CFAP44: variants seen among roughly 807,000 people sequenced by gnomAD.
CFAP44 encodes cilia and flagella associated protein 44, also known as cilia- and flagella-associated protein 44.
CFAP44 carries 134 observed loss-of-function variants against 216.2 expected under a neutral mutation model. That is an observed-to-expected ratio of 0.62 (90% CI 0.54 to 0.72). CFAP44 has a LOEUF of 0.72. Ranked by LOEUF, CFAP44 falls within the 30% of genes least tolerant of loss-of-function variation. The probability of loss-of-function intolerance (pLI) is 0.00; values close to 1 mark genes in which losing one functional copy is unlikely to be tolerated. For missense variants in CFAP44, 2,035 were observed against 2,182.1 expected (o/e 0.93, Z 1.34); for synonymous variants, 700 against 727.6 (o/e 0.96, Z 0.61).
At chr3:113,298,855 T>C (rs1421994320) in intron 32 of CFAP44, among the ~76,000 whole-genome samples, 1 of 152,186 alleles carries the variant, frequency 6.6e-6, no homozygotes, top group Non-Finnish European at 1.5e-5. Flanking sequence ...TGGGAGTTAC[T>C]GTTTAGTGGA....
chr3:113,307,261 T>C (rs535123068), intron 29 of CFAP44, among the ~76,000 whole-genome samples: 5 of 152,352 alleles, frequency 3.3e-5, no homozygotes, highest in East Asian at 3.9e-4. Context: ...AAAATATATA[T>C]GTAAATTACA....
At chr3:113,323,770 G>C (rs1248020260) in intron 28 of CFAP44, among the ~76,000 whole-genome samples, 4 of 152,158 alleles carry the variant, frequency 2.6e-5, no homozygotes, top group South Asian at 2.1e-4. Context: ...TGGGCTGGGT[G>C]CAGTGGCTCA....
rs1933967079 is a variant in CFAP44, at chr3:113,395,577, TCTACGGGC to T, written c.1890+165_1890+172del. On this transcript the variant is annotated intron_variant, in intron 15 of 34. Transcript: ENST00000393845. The stretch of plus-strand genomic sequence containing the variant: ...AGAGAGCAAGGCTCCTGAGTGATGC[TCTACGGGC>T]CAACCCCAGCAGCAGCCACCTGAGC... 3.3e-5 allele frequency among the ~76,000 whole-genome samples: 5 copies of T among 152,178 alleles called. No homozygotes were observed. The South Asian group carries it at 1.0e-3, about 32-fold the overall frequency.
intron 22 of CFAP44, among the ~76,000 whole-genome samples, chr3:113,345,920 T>C (rs1950376926): frequency 6.6e-6 from 1 of 152,256 alleles, no homozygotes; most frequent in African/African-American, 2.4e-5. Flanking sequence ...TTTTCTTTCA[T>C]ACATACTATC....
intron 18 of CFAP44, among the ~76,000 whole-genome samples, chr3:113,372,546 A>C (rs1933202892): frequency 6.6e-6 from 1 of 152,190 alleles, no homozygotes; most frequent in Non-Finnish European, 1.5e-5. Context: ...ACATGGACAC[A>C]GGGTAGGGAA....
intron 2 of CFAP44, among the ~76,000 whole-genome samples, chr3:113,427,996 T>C (rs1285530161): frequency 6.6e-6 from 1 of 152,140 alleles, no homozygotes; most frequent in African/African-American, 2.4e-5. Flanking sequence ...GGCTAAAAGA[T>C]TAGGAACAAA....
chr3:113,368,971 C>T lies in CFAP44; in HGVS notation c.2445-2662G>A, dbSNP rs769820919. Reference sequence around the variant, plus strand: ...TCTGATAAAACAGACTTTAACCCAACAAAGATCAAAAGAGACAAAGGCCAT... The same window carrying T: ...TCTGATAAAACAGACTTTAACCCAATAAAGATCAAAAGAGACAAAGGCCAT... On this transcript the variant is annotated intron_variant, in intron 18 of 34. Transcript: ENST00000393845. 5.2e-4 allele frequency among the ~76,000 whole-genome samples: 79 copies of T among 152,166 alleles called. 1 individual carries two copies. Among genetic ancestry groups the T allele is most frequent in the Non-Finnish European group, 9.1e-4 (62 of 68,012 alleles).
rs753147586 is a variant in CFAP44, at chr3:113,435,272, C to T, written c.-5-1603G>A. ...AAAGGAAAGGGGTTTAATTGACTTA[C>T]AGTTTGGCATGGCTAGGGAGGCCTC... On this transcript the variant is annotated intron_variant, in intron 1 of 34. Coordinates refer to ENST00000393845, the MANE Select transcript of CFAP44 (RefSeq NM_001164496.2). Among the ~76,000 whole-genome samples, 91 of 152,294 alleles carry T rather than the reference C, an allele frequency of 6.0e-4. 1 individual carries two copies. The highest frequency in any genetic ancestry group is 1.1e-3 in the Non-Finnish European group (78 of 68,040).
chr3:113,357,428 T>C (rs911364255), intron 22 of CFAP44, among the ~76,000 whole-genome samples: 2 of 152,084 alleles, frequency 1.3e-5, no homozygotes, highest in African/African-American at 2.4e-5. Flanking sequence ...GAAACCTATA[T>C]GAAGAGACAC....
chr3:113,301,557 T>C (rs1949935702), intron 32 of CFAP44, among the ~76,000 whole-genome samples: 1 of 152,198 alleles, frequency 6.6e-6, no homozygotes, highest in Non-Finnish European at 1.5e-5. Context: ...ATACATCTTA[T>C]ACTATATACC....
chr3:113,304,942 T>A (rs1448084450), intron 31 of CFAP44, 94 bp downstream of exon 31: 1 of 1,090,900 alleles, frequency 9.2e-7, no homozygotes, highest in Non-Finnish European at 1.3e-6. Flanking sequence ...GAACCACGAT[T>A]CTCCCCATTA....
chr3:113,341,432 AC>A (rs1303096023), intron 24 of CFAP44, among the ~76,000 whole-genome samples: 3 of 152,236 alleles, frequency 2.0e-5, no homozygotes, highest in African/African-American at 4.8e-5. Flanking sequence ...AGAAGAACAT[AC>A]AGGAGAATAT....
intron 32 of CFAP44, among the ~76,000 whole-genome samples, chr3:113,298,145 T>G (rs917542124): frequency 6.6e-6 from 1 of 152,362 alleles, no homozygotes; most frequent in South Asian, 2.1e-4. Flanking sequence ...TACAAGGGGT[T>G]GCCCTCTTGC....
chr3:113,355,074 A>C (rs545212686), intron 22 of CFAP44, among the ~76,000 whole-genome samples: 1 of 152,284 alleles, frequency 6.6e-6, no homozygotes, highest in South Asian at 2.1e-4. Flanking sequence ...CCCAGGGGAA[A>C]GGGTGGGGGA....
chr3:113,347,906 G>T (rs1315150900), intron 22 of CFAP44, among the ~76,000 whole-genome samples: 1 of 152,088 alleles, frequency 6.6e-6, no homozygotes, highest in Non-Finnish European at 1.5e-5. Flanking sequence ...CATCAGTAAG[G>T]GCCACTAAAT....
rs568586620 is a variant in CFAP44, at chr3:113,400,149, C to A, written c.1475-149G>T. The A allele has an allele frequency of 3.1e-5, 16 of 517,832 alleles. 1 individual carries two copies. The East Asian group carries it at 4.8e-4, about 16-fold the overall frequency. 32.1% of individuals were successfully genotyped at this position (517,832 alleles called of 1,614,324 possible). ...TTTTGTAAAAAATTTCAGGTACAACCTCAAACAGGTAATTCATAAACATGA... is the reference window on the plus strand; with the variant it reads ...TTTTGTAAAAAATTTCAGGTACAACATCAAACAGGTAATTCATAAACATGA... On this transcript the variant is annotated intron_variant, in intron 12 of 34. Transcript: ENST00000393845.
chr3:113,341,593 G>T, intron 24 of CFAP44, 151 bp downstream of exon 24: 1 of 876,326 alleles, frequency 1.1e-6, no homozygotes, highest in Non-Finnish European at 1.6e-6. Flanking sequence ...AGATCCAGCT[G>T]ACCTGTTTAT....
At chr3:113,396,422 G>A in intron 14 of CFAP44, 96 bp downstream of exon 14, 2 of 1,315,788 alleles carry the variant, frequency 1.5e-6, no homozygotes, top group Non-Finnish European at 2.1e-6. Flanking sequence ...GATAGAAAAT[G>A]AATTTCAGTA....
rs768426729 is a variant in CFAP44 at position 113,426,141 on chromosome 3, C to T, written c.390G>A (p.Leu130=). Residue 130 remains leucine (L), a synonymous_variant, in exon 4 of 35, where the codon CTG becomes CTA. Transcript: ENST00000393845. Reference sequence around the variant, plus strand: ...GTGGATACACAAGTGTGAGAAGATCCAGTGGTATGTTTGAATCCAGAGTCA... The same window carrying T: ...GTGGATACACAAGTGTGAGAAGATCTAGTGGTATGTTTGAATCCAGAGTCA... The part of the protein sequence containing the change: ...PFVTLDSNIP[L]DLLTLVHSFG... 6.2e-7 allele frequency: 1 copy of T among 1,613,898 alleles called. No individual in the cohort carries two copies. Among genetic ancestry groups the T allele is most frequent in the Non-Finnish European group, 8.5e-7 (1 of 1,179,902 alleles).
Sources: allele counts gnomAD v4.1 joint callset (sites outside exome capture counted in the v4.1 genomes callset), GRCh38; gene constraint gnomAD v4.1.1; transcripts MANE v1.5; gene names NCBI Gene and HGNC (gene_info 2026-07-23, HGNC 2026-07-21).